Variants in KDM1B observed in about 807,000 individuals in gnomAD.
The protein encoded by KDM1B is lysine demethylase 1B.
Under a neutral mutation model 107.4 loss-of-function variants are expected in KDM1B, and 63 were observed. That is an observed-to-expected ratio of 0.59 (90% CI 0.48 to 0.72). KDM1B has a LOEUF of 0.72. Among genes scored for constraint, KDM1B ranks in the 30% least tolerant of loss-of-function variants. The probability of loss-of-function intolerance (pLI) is 0.00; values close to 1 mark genes in which losing one functional copy is unlikely to be tolerated. For missense variants in KDM1B, 749 were observed against 1,020.8 expected, an observed-to-expected ratio of 0.73 and a Z score of 3.63; for synonymous variants, 363 against 363.9, an observed-to-expected ratio of 1.00 and a Z score of 0.03.
chr6:18,206,635 G>T (rs183989951), intron 15 of KDM1B, among the ~76,000 whole-genome samples: 1 of 152,190 alleles, frequency 6.6e-6, no homozygotes, highest in African/African-American at 2.4e-5. Flanking sequence ...ATGTTGCCTA[G>T]TCTGGTCTTG....
At chr6:18,173,795 ATT>A (rs1252959845) in intron 7 of KDM1B, among the ~76,000 whole-genome samples, 2 of 151,674 alleles carry the variant, frequency 1.3e-5, no homozygotes, top group Non-Finnish European at 2.9e-5. Flanking sequence ...ATTTTATTTT[ATT>A]TTATTTTAGA....
chr6:18,216,281 A>G (rs891320861), intron 20 of KDM1B, among the ~76,000 whole-genome samples: 2 of 152,068 alleles, frequency 1.3e-5, no homozygotes, highest in African/African-American at 4.8e-5. Flanking sequence ...GGGTTTCACC[A>G]TGTTTGCCTG....
At position 18,212,231 on chromosome 6, in the gene KDM1B, C is replaced by T; in HGVS notation, c.1867-257C>T. The T allele has an allele frequency of 4.7e-6, 2 of 423,610 alleles. No individual in the cohort carries two copies. The highest frequency in any genetic ancestry group is 8.7e-6 in the Non-Finnish European group (2 of 229,460). 26.2% of individuals were successfully genotyped at this position (423,610 alleles called of 1,614,324 possible). On this transcript the variant is annotated intron_variant, in intron 17 of 21. Transcript: ENST00000650836. The surrounding 1 kb of genome is among the most constrained non-coding windows in gnomAD (Gnocchi z 5.2). ...AAGTGCTGGGATTACAGGCATGAGC[C>T]ACCGCACCTGGCCTCTGCTGACTCT...
chr6:18,167,771 AT>A (rs1192549942), intron 6 of KDM1B, among the ~76,000 whole-genome samples: 1 of 150,640 alleles, frequency 6.6e-6, no homozygotes. Flanking sequence ...ACAATGCCCA[AT>A]TTTTTTTTAA....
chr6:18,208,628 T>TATATATATATATATATATATA (rs1491350264), intron 17 of KDM1B, among the ~76,000 whole-genome samples: 35 of 16,196 alleles, frequency 2.2e-3, no homozygotes, highest in South Asian at 6.3e-3. Flanking sequence ...TATATATATA[T>TATATATATATATATATATATA]TTTTTTTTTT....
intron 21 of KDM1B, among the ~76,000 whole-genome samples, chr6:18,219,635 G>A (rs1789522955): frequency 6.6e-6 from 1 of 152,150 alleles, no homozygotes; most frequent in Non-Finnish European, 1.5e-5. Flanking sequence ...GGTTTCCTCA[G>A]TCTCAGAGTT....
At chr6:18,178,278 G>A (rs1582117455) in intron 7 of KDM1B, among the ~76,000 whole-genome samples, 1 of 151,804 alleles carries the variant, frequency 6.6e-6, no homozygotes, top group South Asian at 2.1e-4. Context: ...TAGAGATGGG[G>A]TTTCACCACA....
intron 16 of KDM1B, 143 bp downstream of exon 16, chr6:18,207,672 C>A: frequency 1.1e-6 from 1 of 941,794 alleles, no homozygotes; most frequent in Non-Finnish European, 1.6e-6. Context: ...CATTCGTAGC[C>A]TGTGTAGCAT....
At chr6:18,194,040 A>AT (rs1214100106) in intron 10 of KDM1B, among the ~76,000 whole-genome samples, 1 of 151,826 alleles carries the variant, frequency 6.6e-6, no homozygotes, top group Non-Finnish European at 1.5e-5. Context: ...AACCCGGCTA[A>AT]TTTTTTTGTG....
At chr6:18,196,833 G>A (rs959020464) in intron 10 of KDM1B, among the ~76,000 whole-genome samples, 2 of 152,122 alleles carry the variant, frequency 1.3e-5, no homozygotes, top group Admixed American at 1.3e-4. Flanking sequence ...TTTTACATAA[G>A]GGACTTGAGA....
intron 7 of KDM1B, among the ~76,000 whole-genome samples, chr6:18,180,897 T>G (rs918321076): frequency 5.9e-5 from 9 of 152,232 alleles, no homozygotes; most frequent in African/African-American, 2.2e-4. Context: ...TTTTGTTCTG[T>G]GCTTTGACTA....
chr6:18,198,412 A>G (rs1787795580), intron 12 of KDM1B, among the ~76,000 whole-genome samples: 1 of 150,384 alleles, frequency 6.6e-6, no homozygotes, highest in African/African-American at 2.4e-5. Context: ...TATTTTTGGT[A>G]GAGACGGGAT....
chr6:18,161,522 C>T, intron 4 of KDM1B, 68 bp downstream of exon 4: 1 of 1,546,550 alleles, frequency 6.5e-7, no homozygotes, highest in Non-Finnish European at 8.8e-7. Flanking sequence ...AAACATCATC[C>T]TTGTAGATAG....
Position 18,201,769 on chromosome 6 carries a change from C to A in KDM1B, c.1531+112C>A. 1.1e-6 allele frequency: 1 copy of A among 882,534 alleles called. No individual in the cohort carries two copies. Among genetic ancestry groups the A allele is most frequent in the Non-Finnish European group, 1.7e-6 (1 of 587,032 alleles). 54.7% of individuals were successfully genotyped at this position (882,534 alleles called of 1,614,324 possible). ...GTCGGATGTCGGCAACAGGGTAGCCCTCCTGAGCATTTCTTTTGGACTGAT... is the reference window on the plus strand; with the variant it reads ...GTCGGATGTCGGCAACAGGGTAGCCATCCTGAGCATTTCTTTTGGACTGAT... On this transcript the variant is annotated intron_variant, in intron 14 of 21. Coordinates refer to ENST00000650836, the MANE Select transcript of KDM1B (RefSeq NM_001364614.2). This position sits in a 1 kb window ranked among gnomAD's most constrained non-coding sequence, Gnocchi z 4.3.
At position 18,180,723 on chromosome 6, in the gene KDM1B, G is replaced by T. The variant is rs76487970; in HGVS notation, c.535-5049G>T. 1.2e-4 allele frequency among the ~76,000 whole-genome samples: 18 copies of T among 152,200 alleles called. No individual in the cohort carries two copies. In the East Asian group the frequency reaches 2.7e-3, roughly 23 times the overall value. ...TGGAACTGCAGGTGCTCACCACCACGCCCAGCTAATTTGTGTATTTTTAGT... is the reference window on the plus strand; with the variant it reads ...TGGAACTGCAGGTGCTCACCACCACTCCCAGCTAATTTGTGTATTTTTAGT... On this transcript the variant is annotated intron_variant, in intron 7 of 21. Transcript: ENST00000650836.
At chr6:18,202,393 C>CAA (rs1788096193) in intron 14 of KDM1B, among the ~76,000 whole-genome samples, 1 of 149,762 alleles carries the variant, frequency 6.7e-6, no homozygotes, top group Non-Finnish European at 1.5e-5. Flanking sequence ...AAGCAAGACC[C>CAA]TATTTCAAAA....
chr6:18,189,004 G>A (rs993866567), intron 9 of KDM1B, among the ~76,000 whole-genome samples: 2 of 151,810 alleles, frequency 1.3e-5, no homozygotes, highest in Non-Finnish European at 2.9e-5. Context: ...GGCTGGTCTC[G>A]AACTTCTGAC....
At chr6:18,215,259 C>CA in intron 20 of KDM1B, 130 bp downstream of exon 20, 1 of 1,038,192 alleles carries the variant, frequency 9.6e-7, no homozygotes, top group South Asian at 1.7e-5. Context: ...TTCTTTCTTT[C>CA]AGAGTCCCAC....
chr6:18,208,842 G>C (rs1399034612), intron 17 of KDM1B, among the ~76,000 whole-genome samples: 1 of 146,644 alleles, frequency 6.8e-6, no homozygotes, highest in Non-Finnish European at 1.5e-5. Context: ...TTTTAGTAGA[G>C]ATGGGGTTTC....
Sources: allele counts gnomAD v4.1 joint callset (sites outside exome capture counted in the v4.1 genomes callset), GRCh38; gene constraint gnomAD v4.1.1; non-coding constraint Gnocchi (gnomAD v3.1); transcripts MANE v1.5; gene names NCBI Gene and HGNC (gene_info 2026-07-23, HGNC 2026-07-21).